CORO7: variants seen among roughly 807,000 people sequenced by gnomAD.
CORO7 encodes coronin-7.
CORO7 carries 107 observed loss-of-function variants against 126.6 expected under a neutral mutation model. The observed-to-expected ratio is 0.85, with a 90% confidence interval of 0.72 to 0.99. The LOEUF is 0.99. Among genes scored for constraint, CORO7 ranks in the 50% least tolerant of loss-of-function variants. The probability of loss-of-function intolerance (pLI) is 0.00; values close to 1 mark genes in which losing one functional copy is unlikely to be tolerated. For synonymous variants in CORO7, 603 were observed against 536.8 expected (o/e 1.12, Z -1.70); for missense variants, 1,314 against 1,255.8 (o/e 1.05, Z -0.70).
At chr16:4,380,006 C>T (rs1460335037) in intron 9 of CORO7, among the ~76,000 whole-genome samples, 1 of 150,230 alleles carries the variant, frequency 6.7e-6, no homozygotes, top group Non-Finnish European at 1.5e-5. Context: ...TGCAGTGAGC[C>T]GAGATCTCGC....
At chr16:4,407,821 CCCACCCGCCTCAGCTTGCTTGGG>C (rs1423206733) in intron 4 of CORO7, 137 bp from the exon 5 acceptor site, 29 of 1,119,360 alleles carry the variant, frequency 2.6e-5, no homozygotes, top group Middle Eastern at 5.4e-4. Context: ...GGGAGGAGCG[CCCACCCGCCTCAGCTTGCTTGGG>C]CCAGGGGCTG....
chr16:4,401,686 G>A (rs574132072), intron 6 of CORO7, among the ~76,000 whole-genome samples: 10 of 152,294 alleles, frequency 6.6e-5, no homozygotes, highest in Non-Finnish European at 1.2e-4. Flanking sequence ...AGCAAGTAGA[G>A]ATCAAGGACA....
chr16:4,364,981 G>C, intron 11 of CORO7, 22 bp downstream of exon 11: 1 of 1,605,396 alleles, frequency 6.2e-7, no homozygotes, highest in Non-Finnish European at 8.5e-7. Context: ...GTAGGGGATG[G>C]GGGCGAGGAA....
intron 7 of CORO7, among the ~76,000 whole-genome samples, chr16:4,392,910 G>T (rs748449417): frequency 2.0e-5 from 3 of 152,216 alleles, no homozygotes; most frequent in Non-Finnish European, 4.4e-5. Flanking sequence ...CTCTTCCCAG[G>T]TCTCCTCGCC....
chr16:4,367,357 A>G (rs1567256828), intron 9 of CORO7, among the ~76,000 whole-genome samples: 1 of 152,244 alleles, frequency 6.6e-6, no homozygotes, highest in Non-Finnish European at 1.5e-5. Context: ...TCCCTTCAGC[A>G]GCTTTGACAG....
chr16:4,394,786 G>C (rs369841899), intron 7 of CORO7, among the ~76,000 whole-genome samples: 4 of 152,244 alleles, frequency 2.6e-5, no homozygotes, highest in African/African-American at 9.6e-5. Flanking sequence ...GATGCCTGCA[G>C]CATGAGCCAG....
In CORO7 at chr16:4,382,272, C is replaced by G. The variant is rs772324023; in HGVS notation, c.785+5714G>C. On this transcript the variant is annotated intron_variant, in intron 9 of 27. Coordinates refer to ENST00000251166, the MANE Select transcript of CORO7 (RefSeq NM_024535.5). The stretch of plus-strand genomic sequence containing the variant: ...CGCCGAGGCCACCACGGTCCCTGAC[C>G]CTGGGCATCGAGCCGGTGAGCCCCA... The G allele has an allele frequency of 2.7e-5, 43 of 1,608,790 alleles. No individual in the cohort carries two copies. The Middle Eastern group carries it at 4.9e-4, about 18-fold the overall frequency.
At chr16:4,383,974 G>T (rs2055099196) in intron 9 of CORO7, among the ~76,000 whole-genome samples, 1 of 152,190 alleles carries the variant, frequency 6.6e-6, no homozygotes, top group Non-Finnish European at 1.5e-5. Flanking sequence ...ACAGCGTCCC[G>T]GGAGAGCCAA....
chr16:4,360,929 T>G lies in CORO7; in HGVS notation c.1917+14A>C. 1 of 1,608,442 alleles carries G rather than the reference T, an allele frequency of 6.2e-7. No individual in the cohort carries two copies. The highest frequency in any genetic ancestry group is 1.7e-5 in the Admixed American group (1 of 59,996). ...CTCTCCACACTGCTGGCCCCACCTCTGCAGCCGTCCTACCTGGTCTTGGTG... is the reference window on the plus strand; with the variant it reads ...CTCTCCACACTGCTGGCCCCACCTCGGCAGCCGTCCTACCTGGTCTTGGTG... On this transcript the variant is annotated intron_variant, in intron 19 of 27. Transcript: ENST00000251166.
chr16:4,402,422 T>A (rs1158349211), intron 6 of CORO7, among the ~76,000 whole-genome samples: 1 of 152,054 alleles, frequency 6.6e-6, no homozygotes, highest in Non-Finnish European at 1.5e-5. Context: ...TGTTTGCATT[T>A]TTTTTGTAGA....
chr16:4,360,940 T>C lies in CORO7; in HGVS notation c.1917+3A>G. ...GCTGGCCCCACCTCTGCAGCCGTCCTACCTGGTCTTGGTGGCCCTGCAGCT... is the reference window on the plus strand; with the variant it reads ...GCTGGCCCCACCTCTGCAGCCGTCCCACCTGGTCTTGGTGGCCCTGCAGCT... On this transcript the variant is annotated splice_donor_region_variant and intron_variant, in intron 19 of 27. Transcript: ENST00000251166. 1 of 1,610,282 alleles carries C rather than the reference T, an allele frequency of 6.2e-7. No individual in the cohort carries two copies. The highest frequency in any genetic ancestry group is 8.5e-7 in the Non-Finnish European group (1 of 1,179,924).
At chr16:4,409,589 C>T (rs542226424) in intron 3 of CORO7, among the ~76,000 whole-genome samples, 1 of 152,336 alleles carries the variant, frequency 6.6e-6, no homozygotes, top group South Asian at 2.1e-4. Context: ...CGCCAAAACC[C>T]AGAGAGGGTG....
intron 9 of CORO7, among the ~76,000 whole-genome samples, chr16:4,387,403 GC>G (rs2055230635): frequency 6.6e-6 from 1 of 152,096 alleles, no homozygotes. Context: ...TGCACCTGGA[GC>G]CCCCCAGGCT....
At chr16:4,390,812 C>G (rs1349222198) in intron 7 of CORO7, among the ~76,000 whole-genome samples, 3 of 152,214 alleles carry the variant, frequency 2.0e-5, no homozygotes, top group Admixed American at 1.3e-4. Context: ...ACGTGAGGCT[C>G]AGAGTGGTGA....
rs143637945 is a variant in CORO7, at chr16:4,381,582, C to T, written c.785+6404G>A. ...AGCTGGAGCGAGTGCCACCTGTGAT[C>T]CGAGGCCTCCGGGGCCTGACGCGCC... is the stretch of plus-strand genomic sequence containing the variant. On this transcript the variant is annotated intron_variant, in intron 9 of 27. Transcript: ENST00000251166. 3,059 of 1,603,384 alleles carry T rather than the reference C, an allele frequency of 1.9e-3. 56 individuals are homozygous for T. The African/African-American group carries it at 0.038, about 20-fold the overall frequency.
At chr16:4,409,884 A>C (rs969552188) in intron 3 of CORO7, among the ~76,000 whole-genome samples, 4 of 152,238 alleles carry the variant, frequency 2.6e-5, no homozygotes, top group Admixed American at 1.3e-4. Flanking sequence ...CCTCTGAGGC[A>C]GAAGGGCACC....
At chr16:4,382,623 G>C (rs1011056295) in intron 9 of CORO7, 1 of 1,574,216 alleles carries the variant, frequency 6.4e-7, no homozygotes, top group African/African-American at 1.4e-5. Context: ...CGCCCGCCCT[G>C]GCCGCGGTGC....
chr16:4,381,457 G>A (rs986637456), intron 9 of CORO7: 3 of 1,580,676 alleles, frequency 1.9e-6, no homozygotes, highest in South Asian at 1.1e-5. Flanking sequence ...CACTGCCAAC[G>A]TGGAGGCGCT....
intron 19 of CORO7, among the ~76,000 whole-genome samples, 196 bp downstream of exon 19, chr16:4,360,747 C>T (rs1315813811): frequency 1.4e-5 from 2 of 146,490 alleles, no homozygotes; most frequent in African/African-American, 5.1e-5. Context: ...AATGCTAGCC[C>T]GGCCCCTCCT....
Sources: allele counts gnomAD v4.1 joint callset (sites outside exome capture counted in the v4.1 genomes callset), GRCh38; gene constraint gnomAD v4.1.1; transcripts MANE v1.5; gene names NCBI Gene and HGNC (gene_info 2026-07-23, HGNC 2026-07-21).